Variants in THADA observed in about 807,000 individuals in gnomAD.
THADA encodes THADA armadillo repeat containing, also known as tRNA (32-2'-O)-methyltransferase regulator THADA.
A neutral mutation model predicts 219.8 loss-of-function variants in THADA; 213 were observed. That is an observed-to-expected ratio of 0.97 (90% CI 0.87 to 1.09). The LOEUF is 1.09. Ranked by LOEUF, THADA falls within the 50% of genes least tolerant of loss-of-function variation. The probability of loss-of-function intolerance (pLI) is 0.00; values close to 1 mark genes in which losing one functional copy is unlikely to be tolerated. For missense variants in THADA, 2,956 were observed against 2,311.3 expected, an observed-to-expected ratio of 1.28 and a Z score of -5.72; for synonymous variants, 1,018 against 828.9, an observed-to-expected ratio of 1.23 and a Z score of -3.92.
chr2:43,423,272 C>T (rs1443320788), intron 28 of THADA, among the ~76,000 whole-genome samples: 1 of 152,104 alleles, frequency 6.6e-6, no homozygotes, highest in East Asian at 1.9e-4. Flanking sequence ...TAGCCATTAA[C>T]AGCATAATCA....
intron 34 of THADA, among the ~76,000 whole-genome samples, chr2:43,290,876 C>G (rs1438422161): frequency 6.6e-6 from 1 of 151,930 alleles, no homozygotes; most frequent in African/African-American, 2.4e-5. Flanking sequence ...TTTCTTACTT[C>G]GGTTCTATTT....
chr2:43,581,692 A>G (rs992491990), intron 8 of THADA, 49 bp downstream of exon 8: 23 of 1,528,542 alleles, frequency 1.5e-5, no homozygotes, highest in Non-Finnish European at 2.0e-5. Flanking sequence ...TTGACACTCA[A>G]TTTTAACTGT....
intron 26 of THADA, among the ~76,000 whole-genome samples, chr2:43,464,122 C>G (rs1683954831): frequency 6.6e-6 from 1 of 152,100 alleles, no homozygotes; most frequent in African/African-American, 2.4e-5. Flanking sequence ...TTGTATGCAA[C>G]AGTTTTCATC....
intron 21 of THADA, among the ~76,000 whole-genome samples, chr2:43,529,509 G>A (rs1029952059): frequency 6.6e-6 from 1 of 152,046 alleles, no homozygotes; most frequent in African/African-American, 2.4e-5. Context: ...CACTGTGGCC[G>A]GCCAGATTAT....
intron 21 of THADA, among the ~76,000 whole-genome samples, chr2:43,537,980 A>C (rs1694820352): frequency 6.6e-6 from 1 of 152,104 alleles, no homozygotes; most frequent in Non-Finnish European, 1.5e-5. Flanking sequence ...GAATGTTTTA[A>C]AATAGCAATT....
intron 36 of THADA, among the ~76,000 whole-genome samples, chr2:43,235,907 T>C (rs1042106702): frequency 3.3e-5 from 5 of 150,576 alleles, no homozygotes; most frequent in South Asian, 4.2e-4. Context: ...CCCGGGTTCA[T>C]GCCATTCTCC....
At chr2:43,538,719 G>A (rs1327334692) in intron 21 of THADA, among the ~76,000 whole-genome samples, 1 of 152,280 alleles carries the variant, frequency 6.6e-6, no homozygotes, top group South Asian at 2.1e-4. Context: ...GCAATCTTGG[G>A]CAAACCAGGT....
intron 21 of THADA, among the ~76,000 whole-genome samples, chr2:43,539,431 A>G (rs2103803463): frequency 6.6e-6 from 1 of 152,338 alleles, no homozygotes; most frequent in East Asian, 1.9e-4. Context: ...GTTATGTTTA[A>G]AAGCAGGAAT....
At chr2:43,467,255 G>A (rs1426414180) in intron 26 of THADA, among the ~76,000 whole-genome samples, 1 of 147,600 alleles carries the variant, frequency 6.8e-6, no homozygotes, top group Admixed American at 6.7e-5. Context: ...AAGAAATACT[G>A]TATATTATTT....
intron 31 of THADA, among the ~76,000 whole-genome samples, chr2:43,312,208 C>CA (rs35043804): frequency 0.16 from 19,112 of 117,644 alleles, 1,435 homozygotes; most frequent in African/African-American, 0.23. Flanking sequence ...GACAAAGCTG[C>CA]AAAAAAAAAA....
intron 28 of THADA, among the ~76,000 whole-genome samples, chr2:43,423,431 CTTTCT>C (rs1278564743): frequency 2.8e-5 from 4 of 145,044 alleles, no homozygotes; most frequent in African/African-American, 7.6e-5. Context: ...TACTTTCTTT[CTTTCT>C]TTTTTTTTTT....
chr2:43,260,723 C>A (rs1372594439), intron 36 of THADA, among the ~76,000 whole-genome samples: 1 of 152,096 alleles, frequency 6.6e-6, no homozygotes, highest in East Asian at 1.9e-4. Flanking sequence ...TTCTAGTGTG[C>A]TTGCAATTTG....
intron 26 of THADA, among the ~76,000 whole-genome samples, chr2:43,437,389 C>T (rs942194144): frequency 9.2e-5 from 14 of 152,016 alleles, no homozygotes; most frequent in Non-Finnish European, 1.6e-4. Flanking sequence ...TACCATAGAC[C>T]CTGTTGGTTT....
chr2:43,324,973 C>G (rs766320893), intron 30 of THADA, among the ~76,000 whole-genome samples: 1 of 152,228 alleles, frequency 6.6e-6, no homozygotes, highest in Non-Finnish European at 1.5e-5. Context: ...GAATCCAGCA[C>G]TATGCGGACG....
intron 28 of THADA, among the ~76,000 whole-genome samples, chr2:43,399,849 G>C (rs1193055608): frequency 6.6e-6 from 1 of 152,150 alleles, no homozygotes; most frequent in Non-Finnish European, 1.5e-5. Flanking sequence ...AAGGGTGGGG[G>C]TCGGGGAGAA....
intron 29 of THADA, among the ~76,000 whole-genome samples, chr2:43,347,811 C>G (rs774467029): frequency 7.9e-5 from 12 of 152,148 alleles, no homozygotes; most frequent in Non-Finnish European, 1.8e-4. Flanking sequence ...AGGGTGTGCA[C>G]AGGGTGGTGG....
chr2:43,300,020 CTCTG>C (rs1019713025), intron 31 of THADA, among the ~76,000 whole-genome samples: 1 of 135,486 alleles, frequency 7.4e-6, no homozygotes, highest in African/African-American at 2.9e-5. Context: ...AAGAGCAAAA[CTCTG>C]TCTCAAGGCA....
intron 13 of THADA, 29 bp from the exon 14 acceptor site, chr2:43,570,539 G>A (rs1367624113): frequency 1.3e-6 from 2 of 1,589,992 alleles, no homozygotes; most frequent in Non-Finnish European, 1.7e-6. Flanking sequence ...TGAAGCACAG[G>A]TGAGCCACAC....
At chr2:43,419,577 C>T (rs903615683) in intron 28 of THADA, among the ~76,000 whole-genome samples, 1 of 152,124 alleles carries the variant, frequency 6.6e-6, no homozygotes, top group African/African-American at 2.4e-5. Flanking sequence ...TTTCCCAATT[C>T]TTATTTTCTT....
Sources: allele counts gnomAD v4.1 joint callset (sites outside exome capture counted in the v4.1 genomes callset), GRCh38; gene constraint gnomAD v4.1.1; transcripts MANE v1.5; gene names NCBI Gene and HGNC (gene_info 2026-07-23, HGNC 2026-07-21).